ARNT2: variants seen among roughly 807,000 people sequenced by gnomAD.
ARNT2 encodes ARNT protein 2.
Under a neutral mutation model 91.7 loss-of-function variants are expected in ARNT2, and 36 were observed. The observed-to-expected ratio is 0.39, with a 90% confidence interval of 0.30 to 0.52. The LOEUF is 0.52. ARNT2 is among the 20% of genes least tolerant of loss of function. The pLI is 0.72. For missense variants in ARNT2, 775 were observed against 939.3 expected (o/e 0.83, Z 2.29); for synonymous variants, 365 against 347.1 (o/e 1.05, Z -0.57).
At position 80,552,727 on chromosome 15, in the gene ARNT2, A is replaced by T. The variant is rs575425781; in HGVS notation, c.1042A>T (p.Thr348Ser). ...CCGGCATAACTCCGATGGAATCATC[A>T]CATTTGTGGATCCAAGATGTATCAG... ...LSRHNSDGIITFVDPRCISVI... is the reference protein window; with the variant it reads ...LSRHNSDGIISFVDPRCISVI... The change falls in exon 10 of 19, where the codon ACA becomes TCA. Residue 348 changes from threonine (T) to serine (S), a missense_variant. Thr to Ser is a moderately conservative substitution (Grantham distance 58, BLOSUM62 1). Transcript: ENST00000303329. The T allele has an allele frequency of 1.1e-5, 18 of 1,614,042 alleles. No homozygotes were observed. The highest frequency in any genetic ancestry group is 1.5e-5 in the Non-Finnish European group (18 of 1,180,002).
intron 3 of ARNT2, among the ~76,000 whole-genome samples, chr15:80,466,348 C>T (rs1388569806): frequency 2.6e-5 from 4 of 152,204 alleles, no homozygotes; most frequent in Non-Finnish European, 5.9e-5. Flanking sequence ...TGGAGCCAAG[C>T]TCTGGGTCCT....
intron 8 of ARNT2, among the ~76,000 whole-genome samples, chr15:80,539,925 A>C (rs1897880640): frequency 6.6e-6 from 1 of 151,990 alleles, no homozygotes; most frequent in African/African-American, 2.4e-5. Context: ...GGAAACTGTT[A>C]TACGCTGTTC....
At chr15:80,574,361 G>A in intron 13 of ARNT2, 141 bp downstream of exon 13, 1 of 761,266 alleles carries the variant, frequency 1.3e-6, no homozygotes. Flanking sequence ...CAGACCTACA[G>A]GTCCCCTGGG....
chr15:80,451,128 A>G, intron 2 of ARNT2, 134 bp downstream of exon 2: 1 of 868,926 alleles, frequency 1.2e-6, no homozygotes, highest in East Asian at 2.6e-5. Context: ...TAACTTTTAC[A>G]AGATTCCTAA....
intron 5 of ARNT2, among the ~76,000 whole-genome samples, chr15:80,486,433 C>A (rs956966569): frequency 1.3e-5 from 2 of 152,256 alleles, no homozygotes; most frequent in African/African-American, 4.8e-5. Flanking sequence ...GGGAGTTGAT[C>A]CACTCACTCT....
intron 1 of ARNT2, among the ~76,000 whole-genome samples, chr15:80,431,096 A>G (rs914555539): frequency 1.3e-5 from 2 of 152,100 alleles, no homozygotes; most frequent in Non-Finnish European, 1.5e-5. Flanking sequence ...AGGTACTTAC[A>G]TGTACCCCTG....
Position 80,591,006 on chromosome 15 carries a change from G to C in ARNT2, c.1919-562G>C, listed in dbSNP as rs995806277. Among the ~76,000 whole-genome samples the C allele has an allele frequency of 6.6e-6, 1 of 152,200 alleles. No homozygotes were observed. The highest frequency in any genetic ancestry group is 2.4e-5 in the African/African-American group (1 of 41,448). ...CCTGTAGGGGGACCTTGTATAATGC[G>C]TGTGTGGCTTCCGAGGAGTTGCTCG... On this transcript the variant is annotated intron_variant, in intron 17 of 18. Transcript: ENST00000303329. This position sits in a 1 kb window ranked among gnomAD's most constrained non-coding sequence, Gnocchi z 5.1.
intron 1 of ARNT2, among the ~76,000 whole-genome samples, chr15:80,410,453 T>G (rs1250653814): frequency 6.6e-6 from 1 of 152,110 alleles, no homozygotes; most frequent in Admixed American, 6.5e-5. Flanking sequence ...ACAGCTGAGT[T>G]GAGCTGCTTG....
intron 3 of ARNT2, among the ~76,000 whole-genome samples, chr15:80,466,709 A>G (rs1166727109): frequency 6.6e-6 from 1 of 152,270 alleles, no homozygotes; most frequent in Non-Finnish European, 1.5e-5. Context: ...ACATATGTGT[A>G]TGTCACTCAC....
chr15:80,489,382 CAA>C (rs1897021385), intron 5 of ARNT2, among the ~76,000 whole-genome samples: 1 of 152,240 alleles, frequency 6.6e-6, no homozygotes, highest in Admixed American at 6.5e-5. Flanking sequence ...TACTCCAACG[CAA>C]AGCCTCCCTG....
chr15:80,423,356 TAGTGTGGAAACACA>T (rs1325733230), intron 1 of ARNT2, among the ~76,000 whole-genome samples: 1 of 152,192 alleles, frequency 6.6e-6, no homozygotes, highest in Non-Finnish European at 1.5e-5. Flanking sequence ...ATTAAGGAGT[TAGTGTGGAAACACA>T]CAGGAATTCC....
At chr15:80,560,236 TGA>T (rs1898308569) in intron 11 of ARNT2, 1 of 152,318 alleles carries the variant, frequency 6.6e-6, no homozygotes, top group Non-Finnish European at 1.5e-5. Context: ...ACCTGCTGGC[TGA>T]GAGGCTCTTT....
chr15:80,553,597 A>C (rs985712271), intron 10 of ARNT2, among the ~76,000 whole-genome samples: 11 of 152,214 alleles, frequency 7.2e-5, no homozygotes, highest in African/African-American at 2.7e-4. Context: ...ATATGTATGA[A>C]TATATACACA....
chr15:80,442,219 A>T (rs1896202780), intron 1 of ARNT2, among the ~76,000 whole-genome samples: 1 of 152,196 alleles, frequency 6.6e-6, no homozygotes, highest in Non-Finnish European at 1.5e-5. Flanking sequence ...CAGTCAAAGG[A>T]ACGCTTTTTA....
intron 2 of ARNT2, among the ~76,000 whole-genome samples, chr15:80,456,825 A>G (rs1896488159): frequency 6.6e-6 from 1 of 151,634 alleles, no homozygotes; most frequent in Non-Finnish European, 1.5e-5. Context: ...TTTAATACAC[A>G]CTCCATTCTG....
intron 9 of ARNT2, among the ~76,000 whole-genome samples, 164 bp from the exon 10 acceptor site, chr15:80,552,476 G>A (rs1231209909): frequency 6.6e-6 from 1 of 152,212 alleles, no homozygotes; most frequent in Non-Finnish European, 1.5e-5. Flanking sequence ...TACAGTTAAA[G>A]ATGTGACCAG....
intron 12 of ARNT2, among the ~76,000 whole-genome samples, chr15:80,567,523 C>T (rs560591883): frequency 6.6e-6 from 1 of 152,310 alleles, no homozygotes; most frequent in South Asian, 2.1e-4. Context: ...TACTTCCCCG[C>T]AGGGCCTCGG....
intron 1 of ARNT2, among the ~76,000 whole-genome samples, chr15:80,420,565 G>A (rs1434067858): frequency 6.6e-6 from 1 of 151,706 alleles, no homozygotes; most frequent in Non-Finnish European, 1.5e-5. Flanking sequence ...GAAGTGGAGA[G>A]CATCTGTATG....
At chr15:80,428,745 T>C (rs1263780300) in intron 1 of ARNT2, among the ~76,000 whole-genome samples, 1 of 152,198 alleles carries the variant, frequency 6.6e-6, no homozygotes, top group Non-Finnish European at 1.5e-5. Context: ...CACTGTTGGT[T>C]AAAAGCAAAC....
Sources: gnomAD v4.1 joint callset for allele counts (sites outside exome capture counted in the v4.1 genomes callset) on GRCh38, gnomAD v4.1.1 for gene constraint, Gnocchi (gnomAD v3.1) non-coding constraint, MANE v1.5 for transcripts, NCBI Gene and HGNC (gene_info 2026-07-23, HGNC 2026-07-21) for gene names.